ARL15: variants seen among roughly 807,000 people sequenced by gnomAD.
ARL15 encodes ADP-ribosylation factor-like protein 15.
ARL15 carries 19 observed loss-of-function variants against 25.2 expected under a neutral mutation model. The ratio of observed to expected loss-of-function variants is 0.75; its 90% CI spans 0.53 to 1.10. The LOEUF is 1.10. Ranked by LOEUF, ARL15 falls within the 50% of genes least tolerant of loss-of-function variation. The pLI is 0.00. For synonymous variants in ARL15, 94 were observed against 86.8 expected (o/e 1.08, Z -0.46); for missense variants, 220 against 246.0 (o/e 0.89, Z 0.71).
rs144878105 is a variant in ARL15 at position 54,125,095 on chromosome 5, T to G, written c.254-11685A>C. On this transcript the variant is annotated intron_variant, in intron 3 of 4. Coordinates refer to ENST00000504924, the MANE Select transcript of ARL15 (RefSeq NM_019087.3). ...GTTTTGTTTTGTTTTGTTTTTTTTTTTTTTGAGACACAGTCTCACTCTGTT... is the reference window on the plus strand; with the variant it reads ...GTTTTGTTTTGTTTTGTTTTTTTTTGTTTTGAGACACAGTCTCACTCTGTT... Among the ~76,000 whole-genome samples the G allele has an allele frequency of 2.2e-3, 340 of 151,244 alleles. 8 individuals carry two copies. The highest frequency in any genetic ancestry group is 7.8e-3 in the African/African-American group (321 of 41,160).
intron 4 of ARL15, among the ~76,000 whole-genome samples, chr5:53,963,961 G>T (rs979667965): frequency 6.6e-6 from 1 of 152,090 alleles, no homozygotes; most frequent in Non-Finnish European, 1.5e-5. Context: ...AAATGCTCTC[G>T]ATTCAAAGAT....
intron 1 of ARL15, among the ~76,000 whole-genome samples, chr5:54,296,338 A>G (rs1402675370): frequency 1.3e-5 from 2 of 152,328 alleles, no homozygotes; most frequent in East Asian, 3.9e-4. Context: ...TTATACACAC[A>G]TTAACTCAAT....
intron 1 of ARL15, among the ~76,000 whole-genome samples, chr5:54,285,941 T>A (rs965592889): frequency 6.6e-6 from 1 of 152,166 alleles, no homozygotes; most frequent in African/African-American, 2.4e-5. Context: ...AGGTCGCGTC[T>A]GTCAATTATG....
At chr5:54,222,672 C>G (rs944927281) in intron 1 of ARL15, among the ~76,000 whole-genome samples, 4 of 152,150 alleles carry the variant, frequency 2.6e-5, no homozygotes, top group African/African-American at 9.7e-5. Flanking sequence ...ATTCCACTCT[C>G]GGGTTCTCTT....
chr5:54,025,302 A>C lies in ARL15; in HGVS notation c.462+87900T>G, dbSNP rs1364696324. On this transcript the variant is annotated intron_variant, in intron 4 of 4. Coordinates refer to ENST00000504924, the MANE Select transcript of ARL15 (RefSeq NM_019087.3). Reference sequence around the variant, plus strand: ...ACAAAGGGACCAAAAAAAAAAAAAAAAAAAAGCAAACAACAGTCACATATT... The same window carrying C: ...ACAAAGGGACCAAAAAAAAAAAAAACAAAAAGCAAACAACAGTCACATATT... Among the ~76,000 whole-genome samples, 11 of 151,968 alleles carry C rather than the reference A, an allele frequency of 7.2e-5. No homozygotes were observed. In the East Asian group the frequency reaches 1.7e-3, roughly 24 times the overall value.
chr5:54,263,341 TA>T (rs1579962276), intron 1 of ARL15, among the ~76,000 whole-genome samples: 1 of 151,888 alleles, frequency 6.6e-6, no homozygotes, highest in Non-Finnish European at 1.5e-5. Flanking sequence ...TGTTAACAAA[TA>T]AAAAAAGATT....
intron 1 of ARL15, among the ~76,000 whole-genome samples, chr5:54,215,626 G>A (rs1302569314): frequency 7.4e-6 from 1 of 134,920 alleles, no homozygotes; most frequent in Non-Finnish European, 1.7e-5. Flanking sequence ...GAAGGGGGGA[G>A]GGGGGGAAAA....
intron 1 of ARL15, among the ~76,000 whole-genome samples, chr5:54,243,704 C>T (rs1272402717): frequency 6.6e-6 from 1 of 152,160 alleles, no homozygotes; most frequent in East Asian, 1.9e-4. Flanking sequence ...ATACATCTTC[C>T]CAATTCTGAT....
chr5:54,282,404 T>C, intron 1 of ARL15: 1 of 982,528 alleles, frequency 1.0e-6, no homozygotes, highest in African/African-American at 1.8e-5. Context: ...TTGCTCTTGT[T>C]TCCCTCTTTA....
intron 4 of ARL15, among the ~76,000 whole-genome samples, chr5:54,089,510 G>T (rs952718881): frequency 2.6e-5 from 4 of 151,904 alleles, no homozygotes; most frequent in African/African-American, 7.3e-5. Flanking sequence ...CAATAGAAAA[G>T]GATATCTTTT....
chr5:53,997,569 TG>T (rs1450079053), intron 4 of ARL15, among the ~76,000 whole-genome samples: 2 of 152,176 alleles, frequency 1.3e-5, no homozygotes, highest in African/African-American at 4.8e-5. Flanking sequence ...CATGAGAGAA[TG>T]AAAGGGACCT....
At chr5:54,121,374 C>G (rs976119646) in intron 3 of ARL15, among the ~76,000 whole-genome samples, 3 of 151,748 alleles carry the variant, frequency 2.0e-5, no homozygotes, top group African/African-American at 7.3e-5. Context: ...AGTTGTTGTC[C>G]CCCTATTGAT....
chr5:54,290,647 A>G (rs1408587860), intron 1 of ARL15, among the ~76,000 whole-genome samples: 4 of 152,164 alleles, frequency 2.6e-5, no homozygotes, highest in Non-Finnish European at 1.5e-5. Context: ...AATATTTTTA[A>G]TGCTATTATA....
At chr5:54,208,720 G>A (rs908288149) in intron 1 of ARL15, among the ~76,000 whole-genome samples, 1 of 152,114 alleles carries the variant, frequency 6.6e-6, no homozygotes, top group African/African-American at 2.4e-5. Context: ...CATGAACTTT[G>A]GAGTAAGCTA....
At chr5:54,143,878 T>C (rs545422566) in intron 3 of ARL15, among the ~76,000 whole-genome samples, 9 of 152,202 alleles carry the variant, frequency 5.9e-5, no homozygotes, top group African/African-American at 1.9e-4. Context: ...TATGAATATA[T>C]CATCCTATTT....
chr5:54,180,089 G>A (rs990467877), intron 1 of ARL15, among the ~76,000 whole-genome samples: 28 of 150,636 alleles, frequency 1.9e-4, no homozygotes, highest in African/African-American at 6.3e-4. Flanking sequence ...CAGCAGTAAG[G>A]AAAAAAATCT....
intron 1 of ARL15, among the ~76,000 whole-genome samples, chr5:54,287,198 G>A (rs924467290): frequency 6.6e-6 from 1 of 152,032 alleles, no homozygotes; most frequent in Non-Finnish European, 1.5e-5. Flanking sequence ...CCTTAATGTG[G>A]CAAGCACTTC....
At chr5:54,231,588 A>G (rs1232750732) in intron 1 of ARL15, among the ~76,000 whole-genome samples, 1 of 152,224 alleles carries the variant, frequency 6.6e-6, no homozygotes, top group African/African-American at 2.4e-5. Context: ...AGCTTAGGCT[A>G]CCATGACAAA....
intron 4 of ARL15, among the ~76,000 whole-genome samples, chr5:54,098,551 G>GAA (rs1752352061): frequency 6.6e-6 from 1 of 151,868 alleles, no homozygotes; most frequent in Non-Finnish European, 1.5e-5. Flanking sequence ...GTCAAATGAA[G>GAA]AAAAAAACCC....
Sources: allele counts gnomAD v4.1 joint callset (sites outside exome capture counted in the v4.1 genomes callset), GRCh38; gene constraint gnomAD v4.1.1; transcripts MANE v1.5; gene names NCBI Gene and HGNC (gene_info 2026-07-23, HGNC 2026-07-21).